AURKB: variants seen among roughly 807,000 people sequenced by gnomAD.
The protein encoded by AURKB is aurora kinase B-Sv1.
A neutral mutation model predicts 36.5 loss-of-function variants in AURKB; 28 were observed. That is an observed-to-expected ratio of 0.77 (90% CI 0.57 to 1.05). The LOEUF (loss-of-function observed/expected upper bound fraction) is 1.05, where lower values mean the gene tolerates loss of function less well. Ranked by LOEUF, AURKB falls within the 50% of genes least tolerant of loss-of-function variation. The probability of loss-of-function intolerance (pLI) is 0.00; values close to 1 mark genes in which losing one functional copy is unlikely to be tolerated. For synonymous variants in AURKB, 175 were observed against 172.9 expected, an observed-to-expected ratio of 1.01 and a Z score of -0.09; for missense variants, 383 against 447.4, an observed-to-expected ratio of 0.86 and a Z score of 1.30.
Position 8,205,063 on chromosome 17 carries a change from G to A in AURKB, c.862-19C>T. On this transcript the variant is annotated intron_variant, in intron 8 of 8. Transcript: ENST00000585124. Reference sequence around the variant, plus strand: ...GGTCCACCTGCAGGTGTGAAGAGATGGAAGGGCTGCATTAGTTTCACCCTG... The same window carrying A: ...GGTCCACCTGCAGGTGTGAAGAGATAGAAGGGCTGCATTAGTTTCACCCTG... The A allele has an allele frequency of 6.4e-7, 1 of 1,572,420 alleles. No homozygotes were observed. The highest frequency in any genetic ancestry group is 8.6e-7 in the Non-Finnish European group (1 of 1,160,758).
chr17:8,205,091 T>G, intron 8 of AURKB, 47 bp from the exon 9 acceptor site: 1 of 1,555,574 alleles, frequency 6.4e-7, no homozygotes. Context: ...TCACCCTGGC[T>G]ACATCTTCCT....
intron 2 of AURKB, among the ~76,000 whole-genome samples, chr17:8,208,593 AAAATAAATAAAT>A (rs60763099): frequency 0.01 from 1,473 of 141,330 alleles, 23 homozygotes; most frequent in African/African-American, 0.034. Flanking sequence ...TCCGTCTCAA[AAAATAAATAAAT>A]AAATAAATAA....
Position 8,210,247 on chromosome 17 carries a change from G to A in AURKB, c.-23C>T, listed in dbSNP as rs1257552142. On this transcript the variant is annotated splice_region_variant and 5_prime_UTR_variant, in exon 2 of 9. Coordinates refer to ENST00000585124, the MANE Select transcript of AURKB (RefSeq NM_004217.4). ...CATCCTTAGAGAGAAAGGGGGAGGA[G>A]AGCTGGGCGGAGAAGGGAAACAGCC... 1 of 1,576,644 alleles carries A rather than the reference G, an allele frequency of 6.3e-7. No homozygotes were observed. Among genetic ancestry groups the A allele is most frequent in the South Asian group, 1.1e-5 (1 of 87,502 alleles).
rs1230827006 is a variant in AURKB, at chr17:8,206,050, G to A, written c.686+441C>T. Among the ~76,000 whole-genome samples the A allele has an allele frequency of 6.6e-6, 1 of 151,344 alleles. No individual in the cohort carries two copies. The highest frequency in any genetic ancestry group is 2.1e-4 in the South Asian group (1 of 4,790). Reference sequence around the variant, plus strand: ...CTGGGACTGGTAGGCGTGAGCCACCGCGCCTGGCCAAAGTTTTACCATTGG... The same window carrying A: ...CTGGGACTGGTAGGCGTGAGCCACCACGCCTGGCCAAAGTTTTACCATTGG... On this transcript the variant is annotated intron_variant, in intron 7 of 8. Transcript: ENST00000585124. The surrounding 1 kb of genome is among the most constrained non-coding windows in gnomAD (Gnocchi z 4.2).
rs1479839130 is a variant in AURKB, at chr17:8,206,505, A to T, written c.672T>A (p.His224Gln). The change falls in exon 7 of 9, where the codon CAT (histidine) becomes CAA (glutamine). Residue 224 changes from histidine (H) to glutamine (Q), a missense_variant. Physicochemically the swap from His to Gln is conservative, Grantham distance 24 (BLOSUM62 0). Coordinates refer to ENST00000585124, the MANE Select transcript of AURKB (RefSeq NM_004217.4). This position sits in a 1 kb window ranked among gnomAD's most constrained non-coding sequence, Gnocchi z 4.2. ...GGCCACCATACCTCAGGGAGGGCGC[A>T]TGCACAGACCAGCCGAAGTCAGCAA... ...LKIADFGWSV[H>Q]APSLRRKTMC... 6.2e-7 allele frequency: 1 copy of T among 1,614,156 alleles called. No individual in the cohort carries two copies. The highest frequency in any genetic ancestry group is 1.3e-5 in the African/African-American group (1 of 75,032).
intron 1 of AURKB, 25 bp downstream of exon 1, chr17:8,210,505 G>C (rs1985960705): frequency 1.0e-5 from 5 of 485,280 alleles, no homozygotes; most frequent in Non-Finnish European, 1.8e-5. Context: ...CCCGGCGCAA[G>C]GCCTGCGACA....
chr17:8,207,894 G>A (rs1244077094), intron 2 of AURKB, 54 bp from the exon 3 acceptor site: 11 of 1,426,376 alleles, frequency 7.7e-6, no homozygotes, highest in Non-Finnish European at 1.1e-5. Flanking sequence ...TGACCGGGGT[G>A]GAATGTGCTG....
Position 8,207,858 on chromosome 17 carries a change from G to A in AURKB, c.49-18C>T. On this transcript the variant is annotated intron_variant, in intron 2 of 8. Transcript: ENST00000585124. ...GATGGAGCCTGAGAAGGAGCAGGGG[G>A]TAGCTCTGAGGGTGCCTTTGTCTGA... 5.0e-6 allele frequency: 8 copies of A among 1,596,688 alleles called. No homozygotes were observed. The highest frequency in any genetic ancestry group is 6.8e-6 in the Non-Finnish European group (8 of 1,169,962).
Position 8,210,562 on chromosome 17 carries a change from G to A in AURKB, c.-58C>T, listed in dbSNP as rs976048174. On this transcript the variant is annotated 5_prime_UTR_variant, in exon 1 of 9. Transcript: ENST00000585124. ...CCAAGGCACTGCTACTCTCCCGGCC[G>A]CCCGCAAACAACTGAATCTGCCACG... The A allele has an allele frequency of 1.1e-5, 4 of 373,878 alleles. No homozygotes were observed. Among genetic ancestry groups the A allele is most frequent in the Non-Finnish European group, 1.9e-5 (4 of 205,954 alleles). The allele number at this position is 373,878 out of a possible 1,614,324, so 23.2% of individuals were successfully genotyped here.
chr17:8,209,821 G>T, intron 2 of AURKB: 1 of 376,144 alleles, frequency 2.7e-6, no homozygotes. Flanking sequence ...TATCCTTTTA[G>T]AGTCTATTTC....
At chr17:8,208,914 C>T (rs1372858223) in intron 2 of AURKB, among the ~76,000 whole-genome samples, 2 of 152,148 alleles carry the variant, frequency 1.3e-5, no homozygotes, top group Non-Finnish European at 2.9e-5. Context: ...TGCTTGAGGC[C>T]TTGAATGTTA....
intron 4 of AURKB, 87 bp downstream of exon 4, chr17:8,207,481 ACTC>A: frequency 6.4e-7 from 1 of 1,562,720 alleles, no homozygotes; most frequent in Non-Finnish European, 8.7e-7. Flanking sequence ...CTTCATCCCT[ACTC>A]CTCCCGTGCT....
chr17:8,210,008 G>T, intron 2 of AURKB, 169 bp downstream of exon 2: 1 of 843,290 alleles, frequency 1.2e-6, no homozygotes. Context: ...GACAGGATGT[G>T]GCTACAAATG....
Position 8,206,093 on chromosome 17 carries a change from C to T in AURKB, c.686+398G>A, listed in dbSNP as rs1597346034. ...ACCATTGGCCCCTACAGGGATCAAA[C>T]CTGCGACCTTGGGGTTATTAGCACC... is the stretch of plus-strand genomic sequence containing the variant. On this transcript the variant is annotated intron_variant, in intron 7 of 8. Coordinates refer to ENST00000585124, the MANE Select transcript of AURKB (RefSeq NM_004217.4). This position sits in a 1 kb window ranked among gnomAD's most constrained non-coding sequence, Gnocchi z 4.2. 6.6e-6 allele frequency among the ~76,000 whole-genome samples: 1 copy of T among 151,168 alleles called. No individual in the cohort carries two copies. Among genetic ancestry groups the T allele is most frequent in the South Asian group, 2.1e-4 (1 of 4,802 alleles).
At chr17:8,205,840 C>T (rs909753069) in intron 7 of AURKB, among the ~76,000 whole-genome samples, 13 of 152,006 alleles carry the variant, frequency 8.6e-5, no homozygotes, top group Admixed American at 4.6e-4. Flanking sequence ...CTCTGCCTCC[C>T]GGGTTCAAGT....
At chr17:8,208,499 G>A (rs1246832717) in intron 2 of AURKB, among the ~76,000 whole-genome samples, 2 of 151,574 alleles carry the variant, frequency 1.3e-5, no homozygotes, top group African/African-American at 4.9e-5. Context: ...GCTGAGGCAG[G>A]AGAATCGCTT....
rs1985963686 is a variant in AURKB at position 8,210,520 on chromosome 17, G to GTCTC, written c.-26+9_-26+10insGAGA. On this transcript the variant is annotated intron_variant, in intron 1 of 8. Transcript: ENST00000585124. ...CCCGGCGCAAGGCCTGCGACAGGAG[G>GTCTC]CCAGCTCACCTGGGGTCCAAGGCAC... 2 of 469,810 alleles carry GTCTC rather than the reference G, an allele frequency of 4.3e-6. No individual in the cohort carries two copies. The highest frequency in any genetic ancestry group is 7.5e-6 in the Non-Finnish European group (2 of 265,272). 29.1% of individuals were successfully genotyped at this position (469,810 alleles called of 1,614,324 possible).
rs754393355 is a variant in AURKB, at chr17:8,204,967, C to T, written c.939G>A (p.Ser313=). The change falls in exon 9 of 9, where the codon TCG becomes TCA. Residue 313 remains serine, a synonymous_variant. Coordinates refer to ENST00000585124, the MANE Select transcript of AURKB (RefSeq NM_004217.4). ...AGACCTGGGCCAGGGGCAGCCGTTC[C>T]GAGGGGTTATGCCTGAGCAGTTTGG... ...LISKLLRHNP[S]ERLPLAQVSA... 66 of 1,610,034 alleles carry T rather than the reference C, an allele frequency of 4.1e-5. No homozygotes were observed. Among genetic ancestry groups the T allele is most frequent in the South Asian group, 5.5e-5 (5 of 91,008 alleles).
chr17:8,207,695 G>A (rs779612023), intron 3 of AURKB, 43 bp downstream of exon 3: 36 of 1,613,240 alleles, frequency 2.2e-5, no homozygotes, highest in East Asian at 4.5e-5. Context: ...TCCCACAGAC[G>A]GTCATCTCCC....
Sources: allele counts gnomAD v4.1 joint callset (sites outside exome capture counted in the v4.1 genomes callset), GRCh38; gene constraint gnomAD v4.1.1; non-coding constraint Gnocchi (gnomAD v3.1); transcripts MANE v1.5; gene names NCBI Gene and HGNC (gene_info 2026-07-23, HGNC 2026-07-21).